The following MBNL2 variants were observed in gnomAD, a reference collection of about 807,000 sequenced individuals.
MBNL2 encodes muscleblind like splicing regulator 2.
Under a neutral mutation model 41.9 loss-of-function variants are expected in MBNL2, and 17 were observed. The ratio of observed to expected loss-of-function variants is 0.41; its 90% CI spans 0.28 to 0.61. The LOEUF (loss-of-function observed/expected upper bound fraction) is 0.61. MBNL2 is among the 20% of genes least tolerant of loss of function. The probability of loss-of-function intolerance (pLI) is 0.35; values close to 1 mark genes in which losing one functional copy is unlikely to be tolerated. For synonymous variants in MBNL2, 195 were observed against 182.9 expected (o/e 1.07, Z -0.53); for missense variants, 336 against 505.6 (o/e 0.66, Z 3.22).
the MBNL2 span, among the ~76,000 whole-genome samples, chr13:97,148,326 C>CA: frequency 1.3e-5 from 2 of 148,642 alleles, no homozygotes; most frequent in Non-Finnish European, 3.0e-5. Context: ...GAGTGCTTTT[C>CA]TTTTTTTTTT....
Position 97,366,420 on chromosome 13 carries a change from C to CCCT in MBNL2, c.1048+1253_1048+1255dup. On this transcript the variant is annotated intron_variant, in intron 8 of 8. Coordinates refer to ENST00000679496, the MANE Select transcript of MBNL2 (RefSeq NM_001382683.1). This position sits in a 1 kb window ranked among gnomAD's most constrained non-coding sequence, Gnocchi z 4.7. ...CCACTTCTATTACCATAATGCTACA[C>CCCT]CCTCCTGTTCATTGCTCCCATGGTT... is the stretch of plus-strand genomic sequence containing the variant. 1.1e-6 allele frequency: 1 copy of CCCT among 938,470 alleles called. No homozygotes were observed. Among genetic ancestry groups the CCCT allele is most frequent in the Non-Finnish European group, 1.8e-6 (1 of 571,050 alleles). The allele number at this position is 938,470 out of a possible 1,614,324, so 58.1% of individuals were successfully genotyped here.
chr13:97,202,977 G>A, the MBNL2 span, among the ~76,000 whole-genome samples: 1 of 152,152 alleles, frequency 6.6e-6, no homozygotes, highest in African/African-American at 2.4e-5. Flanking sequence ...TCCACTTCTT[G>A]TTTTGTGCTC....
intron 2 of MBNL2, among the ~76,000 whole-genome samples, chr13:97,294,043 G>A (rs755277277): frequency 6.6e-6 from 1 of 150,406 alleles, no homozygotes; most frequent in Non-Finnish European, 1.5e-5. Context: ...ATGCTTTCCT[G>A]ATATATCTTG....
At chr13:97,253,597 G>T (rs1344953985) in intron 1 of MBNL2, among the ~76,000 whole-genome samples, 2 of 152,068 alleles carry the variant, frequency 1.3e-5, no homozygotes, top group African/African-American at 4.8e-5. Flanking sequence ...TCTTATCAAG[G>T]TTTCTCAGAT....
At chr13:97,299,332 G>T (rs1426613409) in intron 2 of MBNL2, among the ~76,000 whole-genome samples, 1 of 152,116 alleles carries the variant, frequency 6.6e-6, no homozygotes, top group Non-Finnish European at 1.5e-5. Flanking sequence ...GCAACACAAG[G>T]TTCCTGCCAT....
intron 1 of MBNL2, among the ~76,000 whole-genome samples, chr13:97,249,511 T>A (rs1404062998): frequency 6.6e-6 from 1 of 152,210 alleles, no homozygotes; most frequent in Non-Finnish European, 1.5e-5. Flanking sequence ...CTAGAACACA[T>A]GGTTTTTAAG....
chr13:97,152,843 A>G, the MBNL2 span, among the ~76,000 whole-genome samples: 1 of 152,172 alleles, frequency 6.6e-6, no homozygotes, highest in Non-Finnish European at 1.5e-5. Flanking sequence ...TGGATCCAAG[A>G]AACAAGTAAT....
intron 2 of MBNL2, among the ~76,000 whole-genome samples, chr13:97,289,677 G>A (rs1358350868): frequency 6.6e-6 from 1 of 152,216 alleles, no homozygotes; most frequent in Non-Finnish European, 1.5e-5. Flanking sequence ...CAAGCACTAT[G>A]TTTGGTGACC....
At chr13:97,186,680 G>C in the MBNL2 span, among the ~76,000 whole-genome samples, 97 of 152,200 alleles carry the variant, frequency 6.4e-4, no homozygotes, top group African/African-American at 2.3e-3. Context: ...TCCAACTATG[G>C]ATACTTTCAG....
intron 2 of MBNL2, among the ~76,000 whole-genome samples, chr13:97,311,808 C>T (rs1193821654): frequency 1.3e-5 from 2 of 152,176 alleles, no homozygotes; most frequent in African/African-American, 4.8e-5. Flanking sequence ...CAACAGTCCT[C>T]TCTCCTTAGC....
chr13:97,216,885 T>G (rs896588310), upstream of MBNL2, among the ~76,000 whole-genome samples: 1 of 151,168 alleles, frequency 6.6e-6, no homozygotes, highest in East Asian at 1.9e-4. Context: ...TTATTACATA[T>G]GTAGTATATT....
At chr13:97,220,386 A>T (rs540594860), upstream of MBNL2, among the ~76,000 whole-genome samples, 9 of 152,342 alleles carry the variant, frequency 5.9e-5, no homozygotes, top group East Asian at 1.7e-3. Context: ...AGAGAGGGTA[A>T]TGTGGCCACA....
the MBNL2 span, among the ~76,000 whole-genome samples, chr13:97,143,744 C>A: frequency 6.6e-6 from 1 of 152,182 alleles, no homozygotes; most frequent in Admixed American, 6.5e-5. Flanking sequence ...CATTTAATTT[C>A]TCTATATGTA....
the MBNL2 span, among the ~76,000 whole-genome samples, chr13:97,159,461 C>T: frequency 6.6e-6 from 1 of 151,228 alleles, no homozygotes; most frequent in Non-Finnish European, 1.5e-5. Context: ...GGTTATTTTG[C>T]TCGTTCGTTG....
chr13:97,361,943 T>A (rs1449838244), intron 7 of MBNL2, among the ~76,000 whole-genome samples: 1 of 151,770 alleles, frequency 6.6e-6, no homozygotes, highest in Non-Finnish European at 1.5e-5. Context: ...CTAATTTTTT[T>A]TGTATTTTTC....
intron 1 of MBNL2, among the ~76,000 whole-genome samples, chr13:97,249,789 T>C (rs984409958): frequency 2.6e-5 from 4 of 152,198 alleles, no homozygotes; most frequent in Non-Finnish European, 5.9e-5. Flanking sequence ...TGCAATTGGG[T>C]GTACTGTTTT....
chr13:97,193,916 C>T, the MBNL2 span, among the ~76,000 whole-genome samples: 112 of 152,324 alleles, frequency 7.4e-4, 1 homozygote, highest in East Asian at 0.021. Context: ...TCTTCTCTCT[C>T]GCTATGCTCC....
the MBNL2 span, among the ~76,000 whole-genome samples, chr13:97,198,449 G>T: frequency 1.0e-3 from 152 of 150,782 alleles, no homozygotes; most frequent in Non-Finnish European, 1.4e-3. Flanking sequence ...ATGGAGGCTG[G>T]CAAGCCCCAA....
the MBNL2 span, among the ~76,000 whole-genome samples, chr13:97,211,715 A>C: frequency 1.3e-5 from 2 of 152,232 alleles, no homozygotes; most frequent in Non-Finnish European, 2.9e-5. Flanking sequence ...TAAAGAATAT[A>C]CCCATGACAT....
Sources: gnomAD v4.1 joint callset for allele counts (sites outside exome capture counted in the v4.1 genomes callset) on GRCh38, gnomAD v4.1.1 for gene constraint, Gnocchi (gnomAD v3.1) non-coding constraint, MANE v1.5 for transcripts, NCBI Gene and HGNC (gene_info 2026-07-23, HGNC 2026-07-21) for gene names.